SDK1: variants seen among roughly 807,000 people sequenced by gnomAD.
SDK1 encodes protein sidekick-1.
SDK1 carries 157 observed loss-of-function variants against 245.5 expected under a neutral mutation model. The observed-to-expected ratio is 0.64, with a 90% CI of 0.56 to 0.73. The LOEUF (loss-of-function observed/expected upper bound fraction) is 0.73, where lower values mean the gene tolerates loss of function less well. Ranked by LOEUF, SDK1 falls within the 30% of genes least tolerant of loss-of-function variation. The pLI is 0.00. For synonymous variants in SDK1, 1,647 were observed against 1,278.5 expected (o/e 1.29, Z -6.15); for missense variants, 3,583 against 3,002.3 (o/e 1.19, Z -4.52).
intron 1 of SDK1, among the ~76,000 whole-genome samples, chr7:3,615,954 G>A (rs954855735): frequency 7.9e-5 from 12 of 151,598 alleles, no homozygotes; most frequent in East Asian, 5.8e-4. Flanking sequence ...GCACAATCAC[G>A]GCTCACTGCA....
intron 35 of SDK1, among the ~76,000 whole-genome samples, chr7:4,182,016 T>C (rs1013672362): frequency 6.6e-6 from 1 of 152,086 alleles, no homozygotes; most frequent in African/African-American, 2.4e-5. Flanking sequence ...ATCTCCCAGG[T>C]TCAAGCAATT....
chr7:3,542,925 C>A (rs1779099012), intron 1 of SDK1, among the ~76,000 whole-genome samples: 1 of 152,210 alleles, frequency 6.6e-6, no homozygotes, highest in African/African-American at 2.4e-5. Flanking sequence ...AAATAGCAGA[C>A]CAGACCATAC....
intron 8 of SDK1, among the ~76,000 whole-genome samples, chr7:3,962,090 C>T (rs1320094487): frequency 6.6e-6 from 1 of 152,128 alleles, no homozygotes; most frequent in East Asian, 1.9e-4. Context: ...CATACATATA[C>T]ACACACATGC....
rs774808187 is a variant in SDK1 at position 4,232,982 on chromosome 7, C to T, written c.5828-273C>T. 64 of 341,808 alleles carry T rather than the reference C, an allele frequency of 1.9e-4. No individual in the cohort carries two copies. The East Asian group carries it at 2.5e-3, about 14-fold the overall frequency. The allele number at this position is 341,808 out of a possible 1,614,324, so 21.2% of individuals were successfully genotyped here. A position where few individuals can be genotyped will look rare whatever the true frequency, so the allele number is the denominator to read the frequency against. On this transcript the variant is annotated intron_variant, in intron 40 of 44. Transcript: ENST00000404826. The stretch of plus-strand genomic sequence containing the variant: ...CATATATTTACTGTGGGGAGATATG[C>T]ATAACCTAACGTTTCCCACTATGAC...
chr7:3,589,651 A>G lies in SDK1; in HGVS notation c.299-29429A>G, dbSNP rs1780799152. 2.0e-5 allele frequency among the ~76,000 whole-genome samples: 3 copies of G among 152,214 alleles called. No homozygotes were observed. In the South Asian group the frequency reaches 6.2e-4, roughly 32 times the overall value. On this transcript the variant is annotated intron_variant, in intron 1 of 44. Coordinates refer to ENST00000404826, the MANE Select transcript of SDK1 (RefSeq NM_152744.4). ...AGACACGTCTTAAATGGAGGCAGGC[A>G]AGAGAGCATGTGCAGAGGAACTGCC...
chr7:3,350,028 A>T (rs1044976980), intron 1 of SDK1, among the ~76,000 whole-genome samples: 5 of 152,176 alleles, frequency 3.3e-5, no homozygotes, highest in African/African-American at 1.2e-4. Flanking sequence ...TGTGCCTCTC[A>T]CATTTATGCC....
intron 1 of SDK1, among the ~76,000 whole-genome samples, chr7:3,531,279 G>A (rs968851322): frequency 6.6e-6 from 1 of 152,250 alleles, no homozygotes; most frequent in Admixed American, 6.5e-5. Flanking sequence ...CTATGCTAAT[G>A]CTTAACATAA....
chr7:3,569,570 C>G (rs1307070025), intron 1 of SDK1, among the ~76,000 whole-genome samples: 2 of 152,194 alleles, frequency 1.3e-5, no homozygotes, highest in African/African-American at 4.8e-5. Context: ...TGTCTGTGCC[C>G]ACGGTTCATC....
At chr7:3,399,029 G>T (rs1041880103) in intron 1 of SDK1, among the ~76,000 whole-genome samples, 2 of 152,052 alleles carry the variant, frequency 1.3e-5, no homozygotes, top group African/African-American at 4.8e-5. Context: ...TGTTGCAACA[G>T]AAACCAGCAG....
rs186028401 is a variant in SDK1 at position 3,904,857 on chromosome 7, G to A, written c.848-46066G>A. On this transcript the variant is annotated intron_variant, in intron 5 of 44. Coordinates refer to ENST00000404826, the MANE Select transcript of SDK1 (RefSeq NM_152744.4). The stretch of plus-strand genomic sequence containing the variant: ...AAATACAAAAGATTAGCCGGGTGTG[G>A]TGGTGGGCGCCTGTAGTCCCAGCTA... Among the ~76,000 whole-genome samples the A allele has an allele frequency of 7.7e-3, 1,170 of 152,154 alleles. 13 individuals are homozygous for A. Among genetic ancestry groups the A allele is most frequent in the African/African-American group, 0.026 (1,094 of 41,514 alleles).
intron 1 of SDK1, among the ~76,000 whole-genome samples, chr7:3,406,020 T>C (rs1261331505): frequency 6.6e-6 from 1 of 152,002 alleles, no homozygotes; most frequent in Non-Finnish European, 1.5e-5. Flanking sequence ...GCCATATTGC[T>C]CAGGCTGGTC....
chr7:4,144,594 G>A (rs114623328), intron 28 of SDK1, among the ~76,000 whole-genome samples: 1,796 of 152,236 alleles, frequency 0.012, 37 homozygotes, highest in African/African-American at 0.041. Context: ...GTGACAAGGC[G>A]CAGGAGCTGG....
At chr7:3,783,047 G>T (rs563674125) in intron 4 of SDK1, among the ~76,000 whole-genome samples, 1 of 152,088 alleles carries the variant, frequency 6.6e-6, no homozygotes, top group Non-Finnish European at 1.5e-5. Flanking sequence ...TTTATTCTTC[G>T]ATACAAGGAT....
intron 1 of SDK1, among the ~76,000 whole-genome samples, chr7:3,577,872 C>T (rs573454043): frequency 1.3e-5 from 2 of 151,962 alleles, no homozygotes; most frequent in South Asian, 2.1e-4. Flanking sequence ...CTGTCATGTC[C>T]GTACGCCTTA....
At chr7:3,545,433 A>C (rs1779190010) in intron 1 of SDK1, among the ~76,000 whole-genome samples, 1 of 152,134 alleles carries the variant, frequency 6.6e-6, no homozygotes. Context: ...CATGATGGGG[A>C]TCGTGGTTTT....
chr7:4,200,065 A>G lies in SDK1; in HGVS notation c.5099-5814A>G, dbSNP rs539418401. 3.9e-5 allele frequency among the ~76,000 whole-genome samples: 6 copies of G among 152,296 alleles called. No individual in the cohort carries two copies. The East Asian group carries it at 1.2e-3, about 29-fold the overall frequency. On this transcript the variant is annotated intron_variant, in intron 35 of 44. Transcript: ENST00000404826. ...AGCCGAGACTGTGCCATTGCACTTC[A>G]GCCTCTGTGACAGAGTGATACTCCA...
intron 28 of SDK1, among the ~76,000 whole-genome samples, chr7:4,140,106 C>G (rs1233630779): frequency 6.6e-6 from 1 of 152,160 alleles, no homozygotes; most frequent in African/African-American, 2.4e-5. Context: ...ACACAGGTTC[C>G]CTTCCTCGTG....
intron 1 of SDK1, among the ~76,000 whole-genome samples, chr7:3,600,986 A>AT (rs1419250709): frequency 6.6e-6 from 1 of 151,482 alleles, no homozygotes; most frequent in African/African-American, 2.4e-5. Flanking sequence ...AGCTCACCTA[A>AT]TTTTTTTCCT....
chr7:4,259,429 C>CT (rs773398314), intron 44 of SDK1, among the ~76,000 whole-genome samples: 3 of 152,204 alleles, frequency 2.0e-5, no homozygotes, highest in Non-Finnish European at 4.4e-5. Flanking sequence ...GAGTGAAACT[C>CT]TGTCTCAAAA....
Sources: gnomAD v4.1 joint callset for allele counts (sites outside exome capture counted in the v4.1 genomes callset) on GRCh38, gnomAD v4.1.1 for gene constraint, MANE v1.5 for transcripts, NCBI Gene and HGNC (gene_info 2026-07-23, HGNC 2026-07-21) for gene names.